Variants in NT5M observed in about 807,000 individuals in gnomAD.
NT5M encodes the protein 5'(3')-deoxyribonucleotidase, mitochondrial.
NT5M carries 22 observed loss-of-function variants against 22.2 expected under a neutral mutation model. That is an observed-to-expected ratio of 0.99 (90% CI 0.71 to 1.41). The LOEUF (loss-of-function observed/expected upper bound fraction) is 1.41, where lower values mean the gene tolerates loss of function less well. Ranked by LOEUF, NT5M falls within the 40% of genes most tolerant of loss-of-function variation. The pLI is 0.00. For synonymous variants in NT5M, 167 were observed against 133.0 expected (o/e 1.26, Z -1.76); for missense variants, 322 against 314.8 (o/e 1.02, Z -0.17).
At chr17:17,346,217 G>A (rs2049755541) in intron 4 of NT5M, among the ~76,000 whole-genome samples, 1 of 151,758 alleles carries the variant, frequency 6.6e-6, no homozygotes, top group South Asian at 2.1e-4. Context: ...GTGACCTTGA[G>A]GGCCCAAAGG....
intron 2 of NT5M, among the ~76,000 whole-genome samples, chr17:17,319,922 A>C (rs1348904164): frequency 6.6e-6 from 1 of 151,344 alleles, no homozygotes; most frequent in Non-Finnish European, 1.5e-5. Flanking sequence ...GGCTCACTGC[A>C]ACCTCCGCCT....
intron 4 of NT5M, chr17:17,345,221 T>A (rs2049732650): frequency 8.7e-7 from 1 of 1,146,210 alleles, no homozygotes. Context: ...CAAATGTTTG[T>A]TTTTAGCAAC....
chr17:17,347,563 C>G lies in NT5M; in HGVS notation c.*616C>G, dbSNP rs1408535974. 1 of 153,256 alleles carries G rather than the reference C, an allele frequency of 6.5e-6. No individual in the cohort carries two copies. Among genetic ancestry groups the G allele is most frequent in the Non-Finnish European group, 1.5e-5 (1 of 68,884 alleles). 9.5% of individuals were successfully genotyped at this position (153,256 alleles called of 1,614,324 possible). On this transcript the variant is annotated 3_prime_UTR_variant, in exon 5 of 5. Transcript: ENST00000389022. Reference sequence around the variant, plus strand: ...CGACCAGCTTAGAGGTTTCTCACACCTCTGTTCCCAGGGCCCCGCTCAGGG... The same window carrying G: ...CGACCAGCTTAGAGGTTTCTCACACGTCTGTTCCCAGGGCCCCGCTCAGGG...
intron 4 of NT5M, among the ~76,000 whole-genome samples, chr17:17,346,487 G>A (rs886904648): frequency 1.3e-5 from 2 of 152,278 alleles, no homozygotes; most frequent in African/African-American, 4.8e-5. Flanking sequence ...AGGGCACGGA[G>A]AGGGAAGTCG....
chr17:17,318,056 A>G (rs2049070507), intron 2 of NT5M, among the ~76,000 whole-genome samples: 1 of 152,014 alleles, frequency 6.6e-6, no homozygotes, highest in African/African-American at 2.4e-5. Flanking sequence ...GAAAACAGGT[A>G]TTCAAACAAA....
rs35917484 is a variant in NT5M at position 17,333,834 on chromosome 17, A to ATTTT, written c.429+10603_429+10606dup. 8.5e-5 allele frequency among the ~76,000 whole-genome samples: 10 copies of ATTTT among 117,218 alleles called. No homozygotes were observed. In the Admixed American group the frequency reaches 8.6e-4, roughly 10 times the overall value. The allele number at this position is 117,218 out of a possible 152,430, so 76.9% of individuals were successfully genotyped here. A position where few individuals can be genotyped will look rare whatever the true frequency, so the allele number is the denominator to read the frequency against. On this transcript the variant is annotated intron_variant, in intron 3 of 4. Coordinates refer to ENST00000389022, the MANE Select transcript of NT5M (RefSeq NM_020201.4). Reference sequence around the variant, plus strand: ...CACCATGCCCAGCTAATGTTTTTGTATTTTTTTTTTTTTTTTTGAGATGGA... The same window carrying ATTTT: ...CACCATGCCCAGCTAATGTTTTTGTATTTTTTTTTTTTTTTTTTTTTGAGATGGA...
chr17:17,345,004 C>T (rs550592276), intron 4 of NT5M, 96 bp downstream of exon 4: 1 of 1,535,966 alleles, frequency 6.5e-7, no homozygotes, highest in South Asian at 1.2e-5. Context: ...TCCTGCCCCA[C>T]TTAGTCACCA....
chr17:17,327,060 C>T lies in NT5M; in HGVS notation c.429+3815C>T, dbSNP rs539787320. Among the ~76,000 whole-genome samples, 59 of 107,288 alleles carry T rather than the reference C, an allele frequency of 5.5e-4. 6 individuals carry two copies. In the South Asian group the frequency reaches 7.2e-3, roughly 13 times the overall value. 70.4% of individuals were successfully genotyped at this position (107,288 alleles called of 152,430 possible). On this transcript the variant is annotated intron_variant, in intron 3 of 4. Coordinates refer to ENST00000389022, the MANE Select transcript of NT5M (RefSeq NM_020201.4). ...CTTAGTAGTTGGGATTACAGGTGTG[C>T]GCCACCACACCCGGCTAATTTTTTT...
rs1444141026 is a variant in NT5M, at chr17:17,323,189, G to A, written c.373G>A (p.Asp125Asn). The change falls in exon 3 of 5, where the codon GAC becomes AAC. Residue 125 changes from aspartate (D) to asparagine (N), a missense_variant. Physicochemically the swap from Asp to Asn is conservative, Grantham distance 23. Transcript: ENST00000389022. ...VKEMASLQNT[D>N]VFICTSPIKM... ...CCTCCTTTCTCTTGTTGACAGCACT[G>A]ACGTCTTCATCTGCACAAGCCCCAT... 2 of 1,614,046 alleles carry A rather than the reference G, an allele frequency of 1.2e-6. No homozygotes were observed. The highest frequency in any genetic ancestry group is 3.3e-5 in the Admixed American group (2 of 60,024).
At chr17:17,329,834 T>C (rs1474919910) in intron 3 of NT5M, among the ~76,000 whole-genome samples, 1 of 151,750 alleles carries the variant, frequency 6.6e-6, no homozygotes, top group African/African-American at 2.4e-5. Flanking sequence ...TAGCCAGGCG[T>C]GCTGATGTGT....
At chr17:17,333,574 G>C (rs1291162607) in intron 3 of NT5M, 2 of 152,176 alleles carry the variant, frequency 1.3e-5, no homozygotes, top group African/African-American at 4.8e-5. Flanking sequence ...GCCTCCCAAA[G>C]TGCTGAGGTT....
At chr17:17,314,829 T>C (rs2048990932) in intron 2 of NT5M, among the ~76,000 whole-genome samples, 1 of 152,236 alleles carries the variant, frequency 6.6e-6, no homozygotes, top group Non-Finnish European at 1.5e-5. Flanking sequence ...TGTTTTTCTC[T>C]TTCAAACTGA....
chr17:17,326,682 C>T (rs555632349), intron 3 of NT5M, among the ~76,000 whole-genome samples: 1 of 152,268 alleles, frequency 6.6e-6, no homozygotes, highest in East Asian at 1.9e-4. Context: ...AGCTTGGGTC[C>T]CACACCCAGC....
intron 2 of NT5M, among the ~76,000 whole-genome samples, chr17:17,309,100 C>T: frequency 6.7e-6 from 1 of 150,016 alleles, no homozygotes; most frequent in East Asian, 1.9e-4. Context: ...TTGTTTGAAT[C>T]TTGTTTTCAA....
At chr17:17,338,278 C>G (rs139549933) in intron 3 of NT5M, among the ~76,000 whole-genome samples, 1 of 151,958 alleles carries the variant, frequency 6.6e-6, no homozygotes, top group African/African-American at 2.4e-5. Context: ...CTGCAATGTC[C>G]GTCTCCCGGG....
At chr17:17,319,014 C>T (rs1430426704) in intron 2 of NT5M, among the ~76,000 whole-genome samples, 12 of 151,798 alleles carry the variant, frequency 7.9e-5, no homozygotes, top group Admixed American at 7.9e-4. Context: ...AGTTCGAGAC[C>T]AGCCTGGGCA....
chr17:17,338,510 C>G (rs1479219239), intron 3 of NT5M, among the ~76,000 whole-genome samples: 3 of 151,724 alleles, frequency 2.0e-5, no homozygotes, highest in African/African-American at 7.3e-5. Context: ...GTATTCTTAT[C>G]CACTGATCTG....
intron 2 of NT5M, among the ~76,000 whole-genome samples, chr17:17,321,891 G>C (rs1255602239): frequency 6.6e-6 from 1 of 152,016 alleles, no homozygotes; most frequent in South Asian, 2.1e-4. Context: ...TTGCTGAAGC[G>C]TCGTGGGTGG....
intron 3 of NT5M, among the ~76,000 whole-genome samples, chr17:17,332,894 A>G (rs542532019): frequency 1.1e-3 from 169 of 152,200 alleles, no homozygotes; most frequent in Admixed American, 5.4e-3. Context: ...TGGAGGGTAT[A>G]TGGGAACTCT....
Sources: allele counts gnomAD v4.1 joint callset (sites outside exome capture counted in the v4.1 genomes callset), GRCh38; gene constraint gnomAD v4.1.1; transcripts MANE v1.5; gene names NCBI Gene and HGNC (gene_info 2026-07-23, HGNC 2026-07-21).